The following SLC38A9 variants were observed in gnomAD, a reference collection of about 807,000 sequenced individuals.
SLC38A9 encodes the protein solute carrier family 38 member 9, also known as neutral amino acid transporter 9.
In SLC38A9, 48 loss-of-function variants were observed where a neutral mutation model predicts 62.3. That is an observed-to-expected ratio of 0.77 (90% confidence interval 0.61 to 0.98). The LOEUF is 0.98. Among genes scored for constraint, SLC38A9 ranks in the 50% least tolerant of loss-of-function variants. The probability of loss-of-function intolerance (pLI) is 0.00; values close to 1 mark genes in which losing one functional copy is unlikely to be tolerated. For missense variants in SLC38A9, 541 were observed against 679.8 expected, an observed-to-expected ratio of 0.80 and a Z score of 2.27; for synonymous variants, 204 against 227.7, an observed-to-expected ratio of 0.90 and a Z score of 0.94.
chr5:55,664,944 C>T, intron 7 of SLC38A9, 81 bp from the exon 8 acceptor site: 1 of 951,562 alleles, frequency 1.1e-6, no homozygotes. Context: ...CAAATAAACT[C>T]AAAATATTTG....
intron 3 of SLC38A9, chr5:55,696,495 T>A (rs368816126): frequency 1.1e-4 from 2 of 18,202 alleles, no homozygotes; most frequent in South Asian, 5.0e-3. Context: ...CCTCACCTCC[T>A]GGACGGGGCG....
chr5:55,679,006 A>C (rs866060033), intron 3 of SLC38A9, among the ~76,000 whole-genome samples: 6 of 152,146 alleles, frequency 3.9e-5, no homozygotes, highest in South Asian at 2.1e-4. Flanking sequence ...ACAAACTATT[A>C]AATAATAAAG....
At chr5:55,695,540 T>G (rs62363573) in intron 3 of SLC38A9, among the ~76,000 whole-genome samples, 1 of 102,340 alleles carries the variant, frequency 9.8e-6, no homozygotes. Context: ...TCCATTTAAC[T>G]CTGAGTGGAC....
At chr5:55,634,120 CA>C in intron 13 of SLC38A9, 1 of 375,914 alleles carries the variant, frequency 2.7e-6, no homozygotes, top group East Asian at 4.3e-5. Flanking sequence ...GACATTGCCA[CA>C]ATTTTATTCT....
At chr5:55,679,921 A>G (rs1316582270) in intron 3 of SLC38A9, among the ~76,000 whole-genome samples, 5 of 152,236 alleles carry the variant, frequency 3.3e-5, no homozygotes, top group Non-Finnish European at 7.3e-5. Flanking sequence ...CAATCTACTT[A>G]AGTGCAATAA....
intron 14 of SLC38A9, among the ~76,000 whole-genome samples, chr5:55,630,852 C>T (rs1037693282): frequency 6.6e-6 from 1 of 152,076 alleles, no homozygotes; most frequent in South Asian, 2.1e-4. Context: ...AAATACTTTG[C>T]TGGGCACGGT....
At chr5:55,663,239 C>T (rs376498508) in intron 8 of SLC38A9, among the ~76,000 whole-genome samples, 102 of 129,572 alleles carry the variant, frequency 7.9e-4, no homozygotes, top group African/African-American at 2.6e-3. Context: ...GTGGGAGAAT[C>T]GCTTGAGGCC....
intron 10 of SLC38A9, among the ~76,000 whole-genome samples, 168 bp downstream of exon 10, chr5:55,652,357 CAAAA>C (rs60557392): frequency 5.3e-5 from 3 of 56,180 alleles, no homozygotes; most frequent in African/African-American, 2.0e-4. Context: ...AACTCCGTCT[CAAAA>C]AAAAAAAAAA....
intron 11 of SLC38A9, among the ~76,000 whole-genome samples, chr5:55,648,711 TG>T (rs1161843770): frequency 6.6e-6 from 1 of 152,200 alleles, no homozygotes; most frequent in Non-Finnish European, 1.5e-5. Flanking sequence ...CTAACTCCAC[TG>T]ATCATTACAG....
chr5:55,703,536 C>T (rs986119733), intron 2 of SLC38A9, among the ~76,000 whole-genome samples: 1 of 151,872 alleles, frequency 6.6e-6, no homozygotes, highest in Non-Finnish European at 1.5e-5. Context: ...TACAAAAATC[C>T]CAGTAAGATG....
At chr5:55,667,087 C>T (rs916704385) in intron 7 of SLC38A9, among the ~76,000 whole-genome samples, 15 of 152,032 alleles carry the variant, frequency 9.9e-5, no homozygotes, top group Admixed American at 7.9e-4. Context: ...TCCAGCTACT[C>T]GGGAGGCTGA....
intron 14 of SLC38A9, among the ~76,000 whole-genome samples, chr5:55,628,483 A>G (rs1183344832): frequency 6.6e-6 from 1 of 152,172 alleles, no homozygotes; most frequent in East Asian, 1.9e-4. Flanking sequence ...AAACCCCAAA[A>G]ACATTTGGAA....
chr5:55,639,339 C>T (rs947126228), intron 12 of SLC38A9, among the ~76,000 whole-genome samples: 4 of 148,630 alleles, frequency 2.7e-5, no homozygotes, highest in Admixed American at 1.3e-4. Context: ...AACTGCATTT[C>T]GTGGGAAAAA....
chr5:55,712,157 C>G (rs1758147332), intron 1 of SLC38A9, 60 bp downstream of exon 1: 1 of 152,502 alleles, frequency 6.6e-6, no homozygotes, highest in Non-Finnish European at 1.5e-5. Context: ...GCCGCCTTCC[C>G]TCGGATACCT....
intron 3 of SLC38A9, chr5:55,696,710 C>CA (rs1755841860): frequency 3.2e-5 from 4 of 125,868 alleles, no homozygotes; most frequent in East Asian, 2.3e-4. Context: ...CTGACCCCCC[C>CA]ACCTCCCTCC....
intron 2 of SLC38A9, among the ~76,000 whole-genome samples, chr5:55,709,186 G>A (rs1402210705): frequency 6.6e-6 from 1 of 152,084 alleles, no homozygotes; most frequent in Non-Finnish European, 1.5e-5. Flanking sequence ...TGACAGTGCT[G>A]GAGGATAGTG....
At chr5:55,678,002 G>A in intron 3 of SLC38A9, among the ~76,000 whole-genome samples, 1 of 147,578 alleles carries the variant, frequency 6.8e-6, no homozygotes, top group Admixed American at 6.9e-5. Context: ...GAACAATTGG[G>A]TGGTAAAGTA....
chr5:55,649,822 A>C (rs985444567), intron 10 of SLC38A9, among the ~76,000 whole-genome samples: 1 of 151,816 alleles, frequency 6.6e-6, no homozygotes, highest in Non-Finnish European at 1.5e-5. Context: ...ACTCCATCTC[A>C]AAGGAAAAAA....
chr5:55,676,002 A>C (rs1192066622), intron 3 of SLC38A9, among the ~76,000 whole-genome samples: 1 of 152,232 alleles, frequency 6.6e-6, no homozygotes, highest in Non-Finnish European at 1.5e-5. Context: ...ATATACAGAC[A>C]ATAAAACTAT....
Sources: allele counts gnomAD v4.1 joint callset (sites outside exome capture counted in the v4.1 genomes callset), GRCh38; gene constraint gnomAD v4.1.1; transcripts MANE v1.5; gene names NCBI Gene and HGNC (gene_info 2026-07-23, HGNC 2026-07-21).